MYOM2: variants seen among roughly 807,000 people sequenced by gnomAD.
MYOM2 encodes the protein myomesin 2.
MYOM2 carries 254 observed loss-of-function variants against 187.6 expected under a neutral mutation model. The ratio of observed to expected loss-of-function variants is 1.35; its 90% confidence interval spans 1.22 to 1.50. The LOEUF is 1.50. Ranked by LOEUF, MYOM2 falls within the 40% of genes most tolerant of loss-of-function variation. The pLI is 0.00. For synonymous variants in MYOM2, 981 were observed against 753.8 expected, an observed-to-expected ratio of 1.30 and a Z score of -4.94; for missense variants, 2,796 against 1,924.0, an observed-to-expected ratio of 1.45 and a Z score of -8.48.
intron 32 of MYOM2, among the ~76,000 whole-genome samples, chr8:2,136,744 CT>C (rs1798089861): frequency 6.6e-6 from 1 of 152,126 alleles, no homozygotes; most frequent in Admixed American, 6.6e-5. Context: ...GAAGGTGTAC[CT>C]TTTTCCCTTG....
intron 13 of MYOM2, chr8:2,081,894 G>A (rs1216832592): frequency 6.6e-6 from 1 of 152,228 alleles, no homozygotes; most frequent in African/African-American, 2.4e-5. Flanking sequence ...TCTTTTCCAT[G>A]GTCTCGTGTT....
intron 32 of MYOM2, among the ~76,000 whole-genome samples, chr8:2,130,278 A>G (rs1208806377): frequency 7.9e-6 from 1 of 126,242 alleles, no homozygotes. Flanking sequence ...TCAGTACCCT[A>G]TACCCAGGGC....
At chr8:2,110,072 C>T (rs1475729952) in intron 25 of MYOM2, among the ~76,000 whole-genome samples, 1 of 152,182 alleles carries the variant, frequency 6.6e-6, no homozygotes, top group African/African-American at 2.4e-5. Flanking sequence ...CCTGTAATCT[C>T]CTCACTTTGG....
At chr8:2,142,346 C>G in intron 34 of MYOM2, 29 bp from the exon 35 acceptor site, 3 of 1,610,224 alleles carry the variant, frequency 1.9e-6, no homozygotes, top group Non-Finnish European at 2.6e-6. Context: ...TCTTTTCATT[C>G]TCTCCTTTCT....
chr8:2,120,374 G>T (rs1056244050), intron 28 of MYOM2, among the ~76,000 whole-genome samples: 1 of 151,814 alleles, frequency 6.6e-6, no homozygotes, highest in Non-Finnish European at 1.5e-5. Context: ...CCACCTCAGC[G>T]GGGACACTGG....
chr8:2,069,289 A>C lies in MYOM2; in HGVS notation c.665A>C (p.Asp222Ala). The C allele has an allele frequency of 6.2e-7, 1 of 1,611,770 alleles. No homozygotes were observed. Among genetic ancestry groups the C allele is most frequent in the Non-Finnish European group, 8.5e-7 (1 of 1,178,770 alleles). ...TTTTTCTCTCCAAGGGCAGACTTTG[A>C]CGACACTGCGACATACTCAGCAGTG... Reference protein sequence around the residue: ...HTLEINRADFDDTATYSAVAT... With the variant: ...HTLEINRADFADTATYSAVAT... The change falls in exon 7 of 37, where the codon GAC becomes GCC. Residue 222 changes from aspartate to alanine, a missense_variant. Physicochemically the swap from Asp to Ala is moderately radical, Grantham distance 126. Coordinates refer to ENST00000262113, the MANE Select transcript of MYOM2 (RefSeq NM_003970.4).
chr8:2,072,283 A>G, intron 8 of MYOM2, 62 bp from the exon 9 acceptor site: 2 of 1,190,192 alleles, frequency 1.7e-6, no homozygotes, highest in Non-Finnish European at 2.2e-6. Context: ...CGGCCATGAA[A>G]GCCTCCATCG....
At chr8:2,063,555 C>T (rs932468943) in intron 6 of MYOM2, among the ~76,000 whole-genome samples, 2 of 152,200 alleles carry the variant, frequency 1.3e-5, no homozygotes, top group African/African-American at 4.8e-5. Flanking sequence ...ATCTGGTTTT[C>T]TATCAGTAAC....
At chr8:2,063,792 A>G (rs1443787368) in intron 6 of MYOM2, among the ~76,000 whole-genome samples, 1 of 152,178 alleles carries the variant, frequency 6.6e-6, no homozygotes. Flanking sequence ...AGCTTCTCCC[A>G]GGGGGTTGTT....
At chr8:2,055,642 A>G (rs1232473296) in intron 3 of MYOM2, among the ~76,000 whole-genome samples, 2 of 152,194 alleles carry the variant, frequency 1.3e-5, no homozygotes, top group African/African-American at 2.4e-5. Flanking sequence ...GACTTCTGCA[A>G]TTCTGATTGC....
At chr8:2,057,124 C>A (rs1362534736) in intron 3 of MYOM2, among the ~76,000 whole-genome samples, 1 of 152,192 alleles carries the variant, frequency 6.6e-6, no homozygotes, top group African/African-American at 2.4e-5. Flanking sequence ...TAATAAATCA[C>A]ATACATGTTC....
intron 9 of MYOM2, among the ~76,000 whole-genome samples, 162 bp downstream of exon 9, chr8:2,072,671 C>T (rs2294057): frequency 0.33 from 50,196 of 152,120 alleles, 9,035 homozygotes; most frequent in Non-Finnish European, 0.42. Context: ...GCCCACCGTT[C>T]GCCTTGAACT....
intron 32 of MYOM2, among the ~76,000 whole-genome samples, chr8:2,131,643 C>CTTTTT (rs5888888): frequency 1.8e-5 from 2 of 113,954 alleles, no homozygotes; most frequent in Admixed American, 9.0e-5. Flanking sequence ...GCATTTCTTT[C>CTTTTT]TTTTTTTTTT....
intron 14 of MYOM2, among the ~76,000 whole-genome samples, chr8:2,087,762 G>C (rs1028097140): frequency 6.6e-6 from 1 of 152,286 alleles, no homozygotes. Flanking sequence ...GGGACCACAG[G>C]TGTGTGCCAC....
intron 32 of MYOM2, among the ~76,000 whole-genome samples, chr8:2,130,326 CT>C (rs1299972446): frequency 8.3e-6 from 1 of 120,342 alleles, no homozygotes; most frequent in Non-Finnish European, 1.6e-5. Context: ...CCTCACTACG[CT>C]ATACCCAGGG....
chr8:2,145,202 A>C lies in MYOM2; in HGVS notation c.*221A>C. 1 of 596,240 alleles carries C rather than the reference A, an allele frequency of 1.7e-6. No individual in the cohort carries two copies. Among genetic ancestry groups the C allele is most frequent in the East Asian group, 2.9e-5 (1 of 35,068 alleles). 36.9% of individuals were successfully genotyped at this position (596,240 alleles called of 1,614,324 possible). On this transcript the variant is annotated 3_prime_UTR_variant, in exon 37 of 37. Coordinates refer to ENST00000262113, the MANE Select transcript of MYOM2 (RefSeq NM_003970.4). ...ACAAGACTGAACAACGTGTATTTAC[A>C]CGAGGGTAGACGGCAGATGCCTGAC...
chr8:2,131,819 A>G (rs1030423108), intron 32 of MYOM2, among the ~76,000 whole-genome samples: 12 of 151,568 alleles, frequency 7.9e-5, no homozygotes, highest in African/African-American at 2.7e-4. Flanking sequence ...AATTTTTTGT[A>G]TTTTTAGTAG....
chr8:2,125,706 C>G (rs374154049), intron 31 of MYOM2, among the ~76,000 whole-genome samples: 4 of 133,766 alleles, frequency 3.0e-5, no homozygotes, highest in Admixed American at 9.2e-5. Flanking sequence ...CTCCTGGGTT[C>G]AAGCGATTTT....
intron 6 of MYOM2, among the ~76,000 whole-genome samples, chr8:2,065,708 C>T (rs1818997028): frequency 1.3e-5 from 2 of 152,264 alleles, no homozygotes; most frequent in East Asian, 3.9e-4. Context: ...CAAGTAGTTT[C>T]AAATGAAAAC....
Sources: gnomAD v4.1 joint callset for allele counts (sites outside exome capture counted in the v4.1 genomes callset) on GRCh38, gnomAD v4.1.1 for gene constraint, MANE v1.5 for transcripts, NCBI Gene and HGNC (gene_info 2026-07-23, HGNC 2026-07-21) for gene names.